COL24A1: variants seen among roughly 807,000 people sequenced by gnomAD.
COL24A1 encodes the protein collagen alpha-1(XXIV) chain.
COL24A1 carries 224 observed loss-of-function variants against 253.9 expected under a neutral mutation model. That is an observed-to-expected ratio of 0.88 (90% CI 0.79 to 0.99). The LOEUF is 0.99. COL24A1 is among the 50% of genes least tolerant of loss of function. The pLI, the probability that COL24A1 is intolerant of heterozygous loss-of-function variation, is 0.00. For synonymous variants in COL24A1, 685 were observed against 673.7 expected, an observed-to-expected ratio of 1.02 and a Z score of -0.26; for missense variants, 2,131 against 2,068.5, an observed-to-expected ratio of 1.03 and a Z score of -0.59.
intron 55 of COL24A1, among the ~76,000 whole-genome samples, chr1:85,759,406 G>A (rs1391383945): frequency 6.6e-6 from 1 of 152,176 alleles, no homozygotes; most frequent in Non-Finnish European, 1.5e-5. Context: ...ATGAGGGAAT[G>A]GAATTAAGAA....
chr1:85,972,549 A>G (rs934466188), intron 20 of COL24A1, among the ~76,000 whole-genome samples: 17 of 152,324 alleles, frequency 1.1e-4, no homozygotes, highest in African/African-American at 4.1e-4. Flanking sequence ...AAATGGGCAC[A>G]TTGTGTCTTA....
At chr1:86,025,230 A>G (rs899466379) in intron 14 of COL24A1, among the ~76,000 whole-genome samples, 2 of 152,172 alleles carry the variant, frequency 1.3e-5, no homozygotes, top group Admixed American at 1.3e-4. Context: ...CATCTTCCAT[A>G]AGAACATGGA....
intron 35 of COL24A1, 103 bp from the exon 36 acceptor site, chr1:85,868,938 T>C: frequency 1.5e-6 from 1 of 687,946 alleles, no homozygotes; most frequent in East Asian, 2.9e-5. Flanking sequence ...CAAATTTGTG[T>C]TCACTTATTT....
At chr1:86,057,862 AGT>A in intron 10 of COL24A1, 67 bp downstream of exon 10, 1 of 1,371,066 alleles carries the variant, frequency 7.3e-7, no homozygotes, top group Non-Finnish European at 1.0e-6. Context: ...AAAAATGCTA[AGT>A]GTTTTATATA....
intron 19 of COL24A1, among the ~76,000 whole-genome samples, chr1:85,997,190 G>A (rs994464337): frequency 3.1e-4 from 47 of 151,374 alleles, no homozygotes; most frequent in African/African-American, 1.1e-3. Context: ...GTACCTTGGG[G>A]TACTTTCCTT....
At chr1:85,838,937 C>T (rs1365897105) in intron 42 of COL24A1, among the ~76,000 whole-genome samples, 3 of 152,184 alleles carry the variant, frequency 2.0e-5, no homozygotes, top group Admixed American at 6.5e-5. Context: ...TGGTGGCTCA[C>T]ACCTGTAGTC....
intron 52 of COL24A1, among the ~76,000 whole-genome samples, chr1:85,779,029 G>A (rs1390515080): frequency 6.6e-6 from 1 of 151,898 alleles, no homozygotes; most frequent in Admixed American, 6.6e-5. Context: ...TTAAAGAGAT[G>A]GGGTCTCACT....
At chr1:85,880,724 G>GTT (rs34218225) in intron 32 of COL24A1, among the ~76,000 whole-genome samples, 32,880 of 150,430 alleles carry the variant, frequency 0.22, 3,926 homozygotes, top group African/African-American at 0.24. Flanking sequence ...AAGTTTGAGA[G>GTT]TTTTTTTTTT....
At chr1:86,078,998 G>C (rs1702442904) in intron 7 of COL24A1, among the ~76,000 whole-genome samples, 1 of 152,032 alleles carries the variant, frequency 6.6e-6, no homozygotes, top group African/African-American at 2.4e-5. Flanking sequence ...AATAGCCAAA[G>C]CTATCCTAAG....
intron 37 of COL24A1, among the ~76,000 whole-genome samples, chr1:85,855,052 T>C (rs1678269652): frequency 6.6e-6 from 1 of 152,186 alleles, no homozygotes; most frequent in Admixed American, 6.6e-5. Flanking sequence ...TATTGGTGTA[T>C]AGAAATGCTA....
intron 38 of COL24A1, among the ~76,000 whole-genome samples, chr1:85,848,893 T>C (rs1483218515): frequency 1.3e-5 from 2 of 152,160 alleles, no homozygotes; most frequent in Admixed American, 6.6e-5. Flanking sequence ...AAATATAAAG[T>C]AAGCAAATAA....
chr1:86,124,407 T>A (rs549203196), intron 3 of COL24A1, among the ~76,000 whole-genome samples: 86 of 152,216 alleles, frequency 5.6e-4, no homozygotes, highest in African/African-American at 1.9e-3. Flanking sequence ...GCTATTTTGC[T>A]GTAAGAATAT....
chr1:86,058,123 CAAGGA>C, intron 9 of COL24A1, 148 bp from the exon 10 acceptor site: 2 of 523,412 alleles, frequency 3.8e-6, no homozygotes, highest in East Asian at 3.2e-5. Context: ...TACCAATGTT[CAAGGA>C]ATTTTAGAAT....
At chr1:85,944,976 A>G (rs1471804591) in intron 24 of COL24A1, among the ~76,000 whole-genome samples, 1 of 93,050 alleles carries the variant, frequency 1.1e-5, no homozygotes, top group Non-Finnish European at 2.2e-5. Context: ...TATGTGCCAC[A>G]TTTTCTTAAT....
intron 5 of COL24A1, among the ~76,000 whole-genome samples, chr1:86,110,686 G>A (rs1705472338): frequency 2.0e-5 from 3 of 152,256 alleles, no homozygotes; most frequent in East Asian, 3.9e-4. Flanking sequence ...TAGCACCCAG[G>A]CCAGCAGCTA....
chr1:85,952,319 G>T (rs902004591), intron 24 of COL24A1, among the ~76,000 whole-genome samples: 4 of 152,012 alleles, frequency 2.6e-5, no homozygotes, highest in African/African-American at 9.7e-5. Context: ...ATTCTTAAGT[G>T]TTTGTTAAGG....
chr1:85,816,702 T>C lies in COL24A1; in HGVS notation c.3951+86A>G. The stretch of plus-strand genomic sequence containing the variant: ...GCTTAATCTGAGCCAATGCCAAAGC[T>C]AAAATAGATAGCCAAAATATCTATG... On this transcript the variant is annotated intron_variant, in intron 47 of 59. Transcript: ENST00000370571. The C allele has an allele frequency of 2.5e-6, 3 of 1,176,928 alleles. No individual in the cohort carries two copies. The Admixed American group carries it at 5.1e-5, about 20-fold the overall frequency. The allele number at this position is 1,176,928 out of a possible 1,614,324, so 72.9% of individuals were successfully genotyped here.
At chr1:85,818,186 T>C in intron 45 of COL24A1, 99 bp from the exon 46 acceptor site, 1 of 839,580 alleles carries the variant, frequency 1.2e-6, no homozygotes. Context: ...CAGCAAGAAC[T>C]AGCACGAACT....
chr1:85,981,458 C>T (rs1209479197), intron 20 of COL24A1, among the ~76,000 whole-genome samples: 1 of 152,100 alleles, frequency 6.6e-6, no homozygotes, highest in Non-Finnish European at 1.5e-5. Context: ...AAGAATAAAG[C>T]TGGATCCTCA....
Sources: gnomAD v4.1 joint callset for allele counts (sites outside exome capture counted in the v4.1 genomes callset) on GRCh38, gnomAD v4.1.1 for gene constraint, MANE v1.5 for transcripts, NCBI Gene and HGNC (gene_info 2026-07-23, HGNC 2026-07-21) for gene names.